OXNAD1: variants seen among roughly 807,000 people sequenced by gnomAD.
OXNAD1 encodes the protein oxidoreductase NAD-binding domain-containing protein 1.
Under a neutral mutation model 32.9 loss-of-function variants are expected in OXNAD1, and 34 were observed. The observed-to-expected ratio is 1.03, with a 90% confidence interval of 0.79 to 1.38. OXNAD1 has a LOEUF of 1.38. Ranked by LOEUF, OXNAD1 falls within the 40% of genes most tolerant of loss-of-function variation. The pLI is 0.00. For missense variants in OXNAD1, 407 were observed against 379.4 expected, an observed-to-expected ratio of 1.07 and a Z score of -0.60; for synonymous variants, 134 against 135.2, an observed-to-expected ratio of 0.99 and a Z score of 0.06.
At chr3:16,267,521 T>G (rs200506110) in intron 1 of OXNAD1, among the ~76,000 whole-genome samples, 1 of 151,904 alleles carries the variant, frequency 6.6e-6, no homozygotes, top group Non-Finnish European at 1.5e-5. Flanking sequence ...ATTTCTGTGT[T>G]GGACCTTTGC....
At chr3:16,282,858 T>G (rs1390593848) in intron 4 of OXNAD1, among the ~76,000 whole-genome samples, 1 of 113,126 alleles carries the variant, frequency 8.8e-6, no homozygotes, top group Admixed American at 1.2e-4. Context: ...GATTGAGTAG[T>G]AGAGAGCCGT....
chr3:16,333,564 A>G (rs960870611), intron 9 of OXNAD1, among the ~76,000 whole-genome samples: 1 of 152,214 alleles, frequency 6.6e-6, no homozygotes, highest in African/African-American at 2.4e-5. Context: ...CATTTAATAA[A>G]ATGTTATTAT....
rs58758514 is a variant in OXNAD1 at position 16,345,849 on chromosome 3, CATGTGT to C, written c.*31-3318_*31-3313del. 0.53 allele frequency among the ~76,000 whole-genome samples: 68,869 copies of C among 130,932 alleles called. 16,474 individuals are homozygous for C. Among genetic ancestry groups the C allele is most frequent in the African/African-American group, 0.64 (24,371 of 38,050 alleles). The allele number at this position is 130,932 out of a possible 152,430, so 85.9% of individuals were successfully genotyped here. ...GCGCGTGCGCGCACGCGCACATGTG[CATGTGT>C]ATGTGTATAATCTCCTACTGGTTCT... On this transcript the variant is annotated intron_variant, in intron 9 of 9. Coordinates refer to the OXNAD1 transcript ENST00000606098. This position sits in a 1 kb window ranked among gnomAD's most constrained non-coding sequence, Gnocchi z 5.2.
At chr3:16,300,366 G>A (rs775345297) in intron 6 of OXNAD1, among the ~76,000 whole-genome samples, 1 of 152,200 alleles carries the variant, frequency 6.6e-6, no homozygotes, top group Non-Finnish European at 1.5e-5. Flanking sequence ...TAGAATCACC[G>A]TGAATACACT....
rs543490637 is a variant in OXNAD1, at chr3:16,302,476, T to A, written c.676-164T>A. On this transcript the variant is annotated intron_variant, in intron 7 of 8. Transcript: ENST00000285083. This position sits in a 1 kb window ranked among gnomAD's most constrained non-coding sequence, Gnocchi z 4.2. The stretch of plus-strand genomic sequence containing the variant: ...ATTAAAGCCAAATAGCCCTCTGTAG[T>A]CTGAATGCTCTGGCCTGCTAGGCTG... Among the ~76,000 whole-genome samples, 1 of 152,294 alleles carries A rather than the reference T, an allele frequency of 6.6e-6. No individual in the cohort carries two copies. The highest frequency in any genetic ancestry group is 2.4e-5 in the African/African-American group (1 of 41,556).
rs1344304913 is a variant in OXNAD1, at chr3:16,321,176, G to T, written c.*31-15936G>T. Among the ~76,000 whole-genome samples the T allele has an allele frequency of 6.6e-6, 1 of 152,080 alleles. No homozygotes were observed. Among genetic ancestry groups the T allele is most frequent in the Non-Finnish European group, 1.5e-5 (1 of 68,010 alleles). On this transcript the variant is annotated intron_variant, in intron 9 of 9. Coordinates refer to the OXNAD1 transcript ENST00000435829. This position sits in a 1 kb window ranked among gnomAD's most constrained non-coding sequence, Gnocchi z 4.8. ...CCAGGTGGGCGAGGTATGGGGAGGG[G>T]GACAGTCATAGGTTTCCTCGAGCCA...
rs760117820 is a variant in OXNAD1 at position 16,305,835 on chromosome 3, G to A, written c.*2273G>A. On this transcript the variant is annotated 3_prime_UTR_variant, in exon 9 of 9. Transcript: ENST00000285083. This position sits in a 1 kb window ranked among gnomAD's most constrained non-coding sequence, Gnocchi z 4.5. ...ACATGATAGGGCTGTTACGGGGATTGAAGGTGATCATACATGTAAAGTGCT... is the reference window on the plus strand; with the variant it reads ...ACATGATAGGGCTGTTACGGGGATTAAAGGTGATCATACATGTAAAGTGCT... 3 of 152,226 alleles carry A rather than the reference G, an allele frequency of 2.0e-5. No individual in the cohort carries two copies. Among genetic ancestry groups the A allele is most frequent in the Non-Finnish European group, 4.4e-5 (3 of 68,030 alleles). The allele number at this position is 152,226 out of a possible 1,614,324, so 9.4% of individuals were successfully genotyped here.
intron 5 of OXNAD1, among the ~76,000 whole-genome samples, chr3:16,291,443 C>G (rs1046053499): frequency 1.3e-5 from 2 of 152,146 alleles, no homozygotes; most frequent in Admixed American, 6.5e-5. Context: ...GCTTAGATGA[C>G]CACTAATCTA....
At chr3:16,349,601 G>A (rs1372643576) in exon 10 of OXNAD1, 1 of 152,230 alleles carries the variant, frequency 6.6e-6, no homozygotes, top group Non-Finnish European at 1.5e-5. Flanking sequence ...AGTTGCACAA[G>A]AAAAGGGTAT....
rs1438878567 is a variant in OXNAD1 at position 16,346,436 on chromosome 3, A to G, written c.*31-2740A>G. ...TGCAGATAAAGATTAAAGGTCAAAT[A>G]CTTCCTTTTGTCATCTCATTATCCA... On this transcript the variant is annotated intron_variant, in intron 9 of 9. Transcript: ENST00000606098. This position sits in a 1 kb window ranked among gnomAD's most constrained non-coding sequence, Gnocchi z 4.4. 6.6e-6 allele frequency: 1 copy of G among 152,208 alleles called. No individual in the cohort carries two copies. Among genetic ancestry groups the G allele is most frequent in the East Asian group, 1.9e-4 (1 of 5,200 alleles). The allele number at this position is 152,208 out of a possible 1,614,324, so 9.4% of individuals were successfully genotyped here. A position where few individuals can be genotyped will look rare whatever the true frequency, so the allele number is the denominator to read the frequency against.
chr3:16,269,021 T>G, intron 1 of OXNAD1, 105 bp from the exon 2 acceptor site: 1 of 1,010,804 alleles, frequency 9.9e-7, no homozygotes, highest in Non-Finnish European at 1.3e-6. Flanking sequence ...TGTTGTGAGG[T>G]GATGCCTACT....
Position 16,280,845 on chromosome 3 carries a change from G to A in OXNAD1, c.184-5497G>A, listed in dbSNP as rs1227332345. ...TGCCTCAGCATTAAACATGTGTACT[G>A]GTAAAGTTGGCAAATGTGTTGTTAT... On this transcript the variant is annotated intron_variant, in intron 4 of 8. Transcript: ENST00000285083. This position sits in a 1 kb window ranked among gnomAD's most constrained non-coding sequence, Gnocchi z 4.5. 6.6e-6 allele frequency among the ~76,000 whole-genome samples: 1 copy of A among 152,156 alleles called. No homozygotes were observed. The highest frequency in any genetic ancestry group is 2.4e-5 in the African/African-American group (1 of 41,436).
In OXNAD1 at chr3:16,316,448, T is replaced by G; in HGVS notation, c.*30+12856T>G. The G allele has an allele frequency of 3.5e-6, 1 of 284,588 alleles. No individual in the cohort carries two copies. The highest frequency in any genetic ancestry group is 6.7e-6 in the Non-Finnish European group (1 of 148,612). The allele number at this position is 284,588 out of a possible 1,614,324, so 17.6% of individuals were successfully genotyped here. A position where few individuals can be genotyped will look rare whatever the true frequency, so the allele number is the denominator to read the frequency against. On this transcript the variant is annotated intron_variant, in intron 9 of 9. Coordinates refer to the OXNAD1 transcript ENST00000435829. The surrounding 1 kb of genome is among the most constrained non-coding windows in gnomAD (Gnocchi z 4.5). ...ATGTGGGATGAACAGCAGCCTTGGT[T>G]TGTAGCCCAGGGTGTCCATGGATTT...
At chr3:16,285,588 A>C (rs1412372800) in intron 4 of OXNAD1, among the ~76,000 whole-genome samples, 1 of 152,228 alleles carries the variant, frequency 6.6e-6, no homozygotes, top group Non-Finnish European at 1.5e-5. Context: ...CATGAATGGC[A>C]CATACCTGCA....
intron 9 of OXNAD1, among the ~76,000 whole-genome samples, chr3:16,325,056 T>C (rs779236824): frequency 2.6e-5 from 4 of 152,242 alleles, no homozygotes; most frequent in Non-Finnish European, 5.9e-5. Context: ...AAATCTGTTT[T>C]GTAAATTTCT....
rs1015501738 is a variant in OXNAD1 at position 16,345,259 on chromosome 3, G to C, written c.*31-3917G>C. The C allele has an allele frequency of 2.9e-5, 3 of 103,956 alleles. No homozygotes were observed. The highest frequency in any genetic ancestry group is 1.6e-4 in the African/African-American group (3 of 19,006). The allele number at this position is 103,956 out of a possible 1,614,324, so 6.4% of individuals were successfully genotyped here. ...CACAGAAACTGTAAGATAATAAGTA[G>C]GTGGTTGTGTGTGTGTGTGTGTGTG... On this transcript the variant is annotated intron_variant, in intron 9 of 9. Coordinates refer to the OXNAD1 transcript ENST00000606098. This position sits in a 1 kb window ranked among gnomAD's most constrained non-coding sequence, Gnocchi z 5.2.
In OXNAD1 at chr3:16,316,314, TGTCAAAGCAGAAGA is replaced by T. The variant is rs2125147660; in HGVS notation, c.*30+12726_*30+12739del. 1 of 161,402 alleles carries T rather than the reference TGTCAAAGCAGAAGA, an allele frequency of 6.2e-6. No individual in the cohort carries two copies. The highest frequency in any genetic ancestry group is 2.4e-5 in the African/African-American group (1 of 41,640). 10.0% of individuals were successfully genotyped at this position (161,402 alleles called of 1,614,324 possible). A position where few individuals can be genotyped will look rare whatever the true frequency, so the allele number is the denominator to read the frequency against. On this transcript the variant is annotated intron_variant, in intron 9 of 9. Transcript: ENST00000435829. This position sits in a 1 kb window ranked among gnomAD's most constrained non-coding sequence, Gnocchi z 4.5. ...CTCCCCTCCCCAATGTCATTTTCTT[TGTCAAAGCAGAAGA>T]GTCGAAGGGGTTTAGGTGGAGGAGG...
Position 16,334,344 on chromosome 3 carries a change from A to G in OXNAD1, c.*31-2768A>G, listed in dbSNP as rs75696537. ...CTCATTGATTCAACCCTCCTGGAGA[A>G]CAGTTTGACAGTATCTTTCAAAATT... On this transcript the variant is annotated intron_variant, in intron 9 of 9. Coordinates refer to the OXNAD1 transcript ENST00000435829. This position sits in a 1 kb window ranked among gnomAD's most constrained non-coding sequence, Gnocchi z 4.3. Among the ~76,000 whole-genome samples, 1,142 of 152,334 alleles carry G rather than the reference A, an allele frequency of 7.5e-3. 12 individuals carry two copies. The highest frequency in any genetic ancestry group is 0.025 in the African/African-American group (1,046 of 41,568).
At chr3:16,310,629 A>T (rs1233879523), downstream of OXNAD1, among the ~76,000 whole-genome samples, 1 of 152,188 alleles carries the variant, frequency 6.6e-6, no homozygotes, top group Non-Finnish European at 1.5e-5. Context: ...CCTACAGTTG[A>T]CAACCAGGGT....
Sources: allele counts gnomAD v4.1 joint callset (sites outside exome capture counted in the v4.1 genomes callset), GRCh38; gene constraint gnomAD v4.1.1; non-coding constraint Gnocchi (gnomAD v3.1); transcripts MANE v1.5; gene names NCBI Gene and HGNC (gene_info 2026-07-23, HGNC 2026-07-21).